ZNF569: variants seen among roughly 807,000 people sequenced by gnomAD.
ZNF569 encodes zinc finger protein 569.
In ZNF569, 38 loss-of-function variants were observed where a neutral mutation model predicts 56.3. The observed-to-expected ratio is 0.68, with a 90% CI of 0.52 to 0.88. ZNF569 has a LOEUF of 0.88. Among genes scored for constraint, ZNF569 ranks in the 40% least tolerant of loss-of-function variants. ZNF569 has a pLI of 0.00. For synonymous variants in ZNF569, 241 were observed against 262.9 expected, an observed-to-expected ratio of 0.92 and a Z score of 0.81; for missense variants, 666 against 809.2, an observed-to-expected ratio of 0.82 and a Z score of 2.15.
intron 5 of ZNF569, among the ~76,000 whole-genome samples, chr19:37,423,554 A>T (rs372928463): frequency 6.6e-6 from 1 of 152,228 alleles, no homozygotes; most frequent in South Asian, 2.1e-4. Flanking sequence ...ATAGGAACAG[A>T]TTGTTTTAAC....
At chr19:37,425,297 G>A (rs972472405) in intron 5 of ZNF569, among the ~76,000 whole-genome samples, 9 of 150,244 alleles carry the variant, frequency 6.0e-5, no homozygotes, top group East Asian at 2.0e-4. Flanking sequence ...GATCATAAGC[G>A]TATGCCACCA....
At chr19:37,424,345 A>T (rs1478527455) in intron 5 of ZNF569, among the ~76,000 whole-genome samples, 2 of 152,180 alleles carry the variant, frequency 1.3e-5, no homozygotes, top group East Asian at 3.8e-4. Flanking sequence ...TGCTAATAAT[A>T]GAATGAATAT....
chr19:37,415,749 G>A (rs563659504), intron 5 of ZNF569, among the ~76,000 whole-genome samples: 149 of 151,624 alleles, frequency 9.8e-4, no homozygotes, highest in African/African-American at 3.1e-3. Context: ...GCATGGTGGC[G>A]GGCACCTCTA....
chr19:37,450,843 T>C (rs1182023249), intron 2 of ZNF569, among the ~76,000 whole-genome samples: 1 of 152,202 alleles, frequency 6.6e-6, no homozygotes, highest in Non-Finnish European at 1.5e-5. Context: ...CCTCAAGGTA[T>C]TTTCTAATTT....
rs148047174 is a variant in ZNF569, at chr19:37,421,962, C to G, written c.238+3906G>C. Among the ~76,000 whole-genome samples, 1,081 of 152,090 alleles carry G rather than the reference C, an allele frequency of 7.1e-3. 14 individuals carry two copies. Among genetic ancestry groups the G allele is most frequent in the African/African-American group, 0.024 (1,007 of 41,494 alleles). The stretch of plus-strand genomic sequence containing the variant: ...ACAGGGTTTCACCATGTTGCCCAGT[C>G]TGGTCTTGAACTCCTGGGCCCAAGC... On this transcript the variant is annotated intron_variant, in intron 5 of 5. Coordinates refer to ENST00000316950, the MANE Select transcript of ZNF569 (RefSeq NM_152484.3).
chr19:37,426,714 A>AATTCT (rs1358792870), intron 3 of ZNF569, among the ~76,000 whole-genome samples: 3 of 152,240 alleles, frequency 2.0e-5, no homozygotes, highest in African/African-American at 7.2e-5. Context: ...AGCAGGGGAC[A>AATTCT]GAATGATAGG....
intron 2 of ZNF569, among the ~76,000 whole-genome samples, chr19:37,459,367 C>T (rs1405877710): frequency 2.6e-5 from 4 of 151,660 alleles, no homozygotes; most frequent in Admixed American, 2.6e-4. Context: ...AAAATTACAG[C>T]AGACTTCTTG....
In ZNF569 at chr19:37,442,196, G is replaced by A. The variant is rs1245389205; in HGVS notation, c.15+2711C>T. 2.6e-5 allele frequency among the ~76,000 whole-genome samples: 4 copies of A among 152,122 alleles called. 1 individual carries two copies. The highest frequency in any genetic ancestry group is 2.0e-4 in the Admixed American group (3 of 15,260). Reference sequence around the variant, plus strand: ...TGTGATATTGATAAGTTAAGAAAATGCAATAAAGGTAATGGGTTATGGAAT... The same window carrying A: ...TGTGATATTGATAAGTTAAGAAAATACAATAAAGGTAATGGGTTATGGAAT... On this transcript the variant is annotated intron_variant, in intron 3 of 5. Transcript: ENST00000316950.
At position 37,435,006 on chromosome 19, in the gene ZNF569, C is replaced by T. The variant is rs148640576; in HGVS notation, c.16-8628G>A. Among the ~76,000 whole-genome samples the T allele has an allele frequency of 6.5e-3, 991 of 152,186 alleles. 4 individuals are homozygous for T. Among genetic ancestry groups the T allele is most frequent in the Non-Finnish European group, 0.011 (750 of 68,002 alleles). On this transcript the variant is annotated intron_variant, in intron 3 of 5. Coordinates refer to ENST00000316950, the MANE Select transcript of ZNF569 (RefSeq NM_152484.3). ...GTTTGGTGGTCTCTTCACACGTGCG[C>T]GTGTGACACTTGGGAAGCTGAGGCA...
At chr19:37,458,910 A>C (rs1307539416) in intron 2 of ZNF569, among the ~76,000 whole-genome samples, 1 of 152,232 alleles carries the variant, frequency 6.6e-6, no homozygotes, top group Non-Finnish European at 1.5e-5. Flanking sequence ...ACTCATCAAC[A>C]AACTCAACAC....
intron 3 of ZNF569, among the ~76,000 whole-genome samples, chr19:37,436,948 G>A (rs2041318611): frequency 1.3e-5 from 2 of 150,390 alleles, no homozygotes; most frequent in African/African-American, 2.4e-5. Flanking sequence ...AGAGGAAGAG[G>A]GAATACTTCC....
intron 5 of ZNF569, among the ~76,000 whole-genome samples, chr19:37,415,164 A>G (rs2146855745): frequency 6.6e-6 from 1 of 152,264 alleles, no homozygotes; most frequent in South Asian, 2.1e-4. Flanking sequence ...ATGACCCAAA[A>G]GGAAAAAAGT....
chr19:37,412,899 A>C lies in ZNF569; in HGVS notation c.1759T>G (p.Phe587Val), dbSNP rs1204852369. ...ACAATAAGGGAAGTTCTTTGAGAGA[A>C]GGCTTTCCCACATTCATTACATACA... Reference protein sequence around the residue: ...PYVCNECGKAFSQRTSLIVHM... With the variant: ...PYVCNECGKAVSQRTSLIVHM... Residue 587 changes from phenylalanine (F) to valine (V), a missense_variant, in exon 6 of 6, where the codon TTC (phenylalanine) becomes GTC (valine). Phe to Val is a conservative substitution (Grantham distance 50, BLOSUM62 -1). Transcript: ENST00000316950. 3.1e-6 allele frequency: 5 copies of C among 1,614,062 alleles called. No individual in the cohort carries two copies. Among genetic ancestry groups the C allele is most frequent in the Non-Finnish European group, 4.2e-6 (5 of 1,179,964 alleles).
intron 2 of ZNF569, among the ~76,000 whole-genome samples, chr19:37,446,660 T>G (rs1600332971): frequency 6.6e-6 from 1 of 150,876 alleles, no homozygotes; most frequent in Non-Finnish European, 1.5e-5. Context: ...ACCATAAAAA[T>G]TCTAAAAGAT....
At chr19:37,435,623 A>G (rs77827370) in intron 3 of ZNF569, among the ~76,000 whole-genome samples, 291 of 152,348 alleles carry the variant, frequency 1.9e-3, no homozygotes, top group African/African-American at 6.8e-3. Flanking sequence ...AACACACTTC[A>G]TCTATAAAGA....
At position 37,415,105 on chromosome 19, in the gene ZNF569, C is replaced by T. The variant is rs115382821; in HGVS notation, c.239-686G>A. Among the ~76,000 whole-genome samples the T allele has an allele frequency of 5.0e-3, 767 of 151,996 alleles. 6 individuals are homozygous for T. The highest frequency in any genetic ancestry group is 0.016 in the African/African-American group (671 of 41,464). On this transcript the variant is annotated intron_variant, in intron 5 of 5. Transcript: ENST00000316950. ...TGACACACCAAAAAAGCAAACTATC[C>T]GATTTCATTTATGAAAACCATTGTA... is the stretch of plus-strand genomic sequence containing the variant.
chr19:37,425,318 ATTTTT>A (rs770808954), intron 5 of ZNF569, among the ~76,000 whole-genome samples: 1 of 104,146 alleles, frequency 9.6e-6, no homozygotes, highest in East Asian at 3.0e-4. Flanking sequence ...CACGTGGCTA[ATTTTT>A]TTTTTTTTTT....
At chr19:37,462,064 CA>C (rs2041765572) in intron 2 of ZNF569, among the ~76,000 whole-genome samples, 1 of 152,124 alleles carries the variant, frequency 6.6e-6, no homozygotes, top group South Asian at 2.1e-4. Flanking sequence ...CAAACTCTAG[CA>C]CGTCCTCCAC....
intron 2 of ZNF569, among the ~76,000 whole-genome samples, chr19:37,448,496 T>C (rs1206210893): frequency 6.6e-6 from 1 of 151,976 alleles, no homozygotes; most frequent in Non-Finnish European, 1.5e-5. Flanking sequence ...AACAAGCCTT[T>C]AGTTCACTGA....
Sources: gnomAD v4.1 joint callset for allele counts (sites outside exome capture counted in the v4.1 genomes callset) on GRCh38, gnomAD v4.1.1 for gene constraint, MANE v1.5 for transcripts, NCBI Gene and HGNC (gene_info 2026-07-23, HGNC 2026-07-21) for gene names.